The following NYNRIN variants were observed in gnomAD, a reference collection of about 807,000 sequenced individuals.
NYNRIN encodes the protein protein NYNRIN.
Under a neutral mutation model 146.6 loss-of-function variants are expected in NYNRIN, and 86 were observed. The observed-to-expected ratio is 0.59, with a 90% confidence interval of 0.49 to 0.70. The LOEUF is 0.70. NYNRIN is among the 30% of genes least tolerant of loss of function. The probability of loss-of-function intolerance (pLI) is 0.00; values close to 1 mark genes in which losing one functional copy is unlikely to be tolerated. For missense variants in NYNRIN, 2,191 were observed against 2,377.7 expected, an observed-to-expected ratio of 0.92 and a Z score of 1.63; for synonymous variants, 1,027 against 1,001.3, an observed-to-expected ratio of 1.03 and a Z score of -0.48.
intron 7 of NYNRIN, 36 bp downstream of exon 7, chr14:24,413,134 C>A: frequency 6.7e-7 from 1 of 1,490,440 alleles, no homozygotes. Context: ...CCATTCCTTC[C>A]CCTTGGATGT....
rs1297732127 is a variant in NYNRIN at position 24,408,898 on chromosome 14, C to G, written c.1104C>G (p.Phe368Leu). The G allele has an allele frequency of 6.2e-7, 1 of 1,613,912 alleles. No homozygotes were observed. The highest frequency in any genetic ancestry group is 1.3e-5 in the African/African-American group (1 of 74,946). ...GGCCGGGGGCTATTGCTGCAACCTTCTGGAGGATCAATGAGCTGCATTCTC... is the reference window on the plus strand; with the variant it reads ...GGCCGGGGGCTATTGCTGCAACCTTGTGGAGGATCAATGAGCTGCATTCTC... Reference protein sequence around the residue: ...PLWPGAIAATFWRINELHSLH... With the variant: ...PLWPGAIAATLWRINELHSLH... Residue 368 changes from phenylalanine (F) to leucine (L), a missense_variant, in exon 4 of 9, where the codon TTC becomes TTG. Physicochemically the swap from Phe to Leu is conservative, Grantham distance 22 (BLOSUM62 0). Around this residue, in one of 3 missense-constraint regions of NYNRIN, gnomAD observed 895 missense variants for 941.2 expected, o/e 0.95. Transcript: ENST00000382554.
rs775892926 is a variant in NYNRIN, at chr14:24,417,313, G to A, written c.5564G>A (p.Arg1855Gln). The change falls in exon 9 of 9, where the codon CGG becomes CAG. Residue 1855 changes from arginine to glutamine, a missense_variant. This residue lies in a region of NYNRIN where 1,291 missense variants were observed against 1,417.0 expected (regional missense o/e 0.91). Transcript: ENST00000382554. ...KWVGPFYIGD[R>Q]LSLSLYRIWG... ...GTGGGTCCCTTCTATATCGGGGACC[G>A]GCTGAGCCTGTCACTCTATAGGATA... 2.9e-5 allele frequency: 46 copies of A among 1,612,402 alleles called. No homozygotes were observed. The highest frequency in any genetic ancestry group is 4.5e-5 in the East Asian group (2 of 44,838).
At chr14:24,405,820 C>G (rs2042872190) in intron 2 of NYNRIN, among the ~76,000 whole-genome samples, 2 of 152,154 alleles carry the variant, frequency 1.3e-5, no homozygotes. Flanking sequence ...AATATTAGTT[C>G]ATATTTATTA....
In NYNRIN at chr14:24,415,904, G is replaced by T. The variant is rs747370105; in HGVS notation, c.4155G>T (p.Leu1385=). 6 of 1,613,976 alleles carry T rather than the reference G, an allele frequency of 3.7e-6. No individual in the cohort carries two copies. The South Asian group carries it at 6.6e-5, about 18-fold the overall frequency. ...LTHCNWIFSL[L]WELLPLWRAR... Reference sequence around the variant, plus strand: ...ACTGCAACTGGATCTTCAGCCTCCTGTGGGAGCTCCTGCCCCTCTGGAGGG... The same window carrying T: ...ACTGCAACTGGATCTTCAGCCTCCTTTGGGAGCTCCTGCCCCTCTGGAGGG... Residue 1385 remains leucine, a synonymous_variant, in exon 9 of 9, where the codon CTG becomes CTT. Coordinates refer to ENST00000382554, the MANE Select transcript of NYNRIN (RefSeq NM_025081.3).
At chr14:24,400,929 A>T (rs553243624) in intron 2 of NYNRIN, among the ~76,000 whole-genome samples, 43 of 151,992 alleles carry the variant, frequency 2.8e-4, no homozygotes, top group African/African-American at 1.0e-3. Flanking sequence ...AGCTGGGATT[A>T]CAGGCACGTG....
At chr14:24,399,131 C>G (rs989403511) in intron 1 of NYNRIN, 45 bp downstream of exon 1, 3 of 973,730 alleles carry the variant, frequency 3.1e-6, no homozygotes, top group Non-Finnish European at 4.4e-6. Context: ...GGGGGGCGCG[C>G]CGCGGGGAGG....
rs759824815 is a variant in NYNRIN at position 24,417,072 on chromosome 14, G to A, written c.5323G>A (p.Glu1775Lys). Residue 1775 changes from glutamate (E) to lysine (K), a missense_variant, in exon 9 of 9, where the codon GAG becomes AAG. Transcript: ENST00000382554. ...ESRLTEPLWW[E>K]MSSANIEGLK... is the part of the protein sequence containing the mutation. Reference sequence around the variant, plus strand: ...AAGGCTCACGGAGCCCCTGTGGTGGGAGATGAGCAGCGCAAACATTGAAGG... The same window carrying A: ...AAGGCTCACGGAGCCCCTGTGGTGGAAGATGAGCAGCGCAAACATTGAAGG... 5.6e-6 allele frequency: 9 copies of A among 1,613,200 alleles called. No homozygotes were observed. The highest frequency in any genetic ancestry group is 7.6e-6 in the Non-Finnish European group (9 of 1,179,342).
chr14:24,402,433 A>AGTG, intron 2 of NYNRIN, among the ~76,000 whole-genome samples: 1 of 152,116 alleles, frequency 6.6e-6, no homozygotes, highest in East Asian at 1.9e-4. Flanking sequence ...GCCTAAAGGC[A>AGTG]GTGGTGGTGG....
chr14:24,406,387 G>A (rs895566599), intron 2 of NYNRIN, among the ~76,000 whole-genome samples: 1 of 152,050 alleles, frequency 6.6e-6, no homozygotes, highest in African/African-American at 2.4e-5. Context: ...GGTGCCTGGG[G>A]TGGGGGAATA....
chr14:24,407,957 G>A lies in NYNRIN; in HGVS notation c.287G>A (p.Gly96Asp). 6.2e-7 allele frequency: 1 copy of A among 1,614,014 alleles called. No homozygotes were observed. Among genetic ancestry groups the A allele is most frequent in the African/African-American group, 1.3e-5 (1 of 75,068 alleles). The change falls in exon 3 of 9, where the codon GGC (glycine) becomes GAC (aspartate). Residue 96 changes from glycine (G) to aspartate (D), a missense_variant. By Grantham distance (94) the Gly-to-Asp change is moderately conservative. Around this residue, in one of 3 missense-constraint regions of NYNRIN, gnomAD observed 895 missense variants for 941.2 expected, o/e 0.95. Transcript: ENST00000382554. ...ILHCAFLGAQ[G>D]LFLDCLCWST... Reference sequence around the variant, plus strand: ...CACTGTGCCTTCCTTGGGGCCCAAGGCCTCTTCCTGGACTGCCTCTGCTGG... The same window carrying A: ...CACTGTGCCTTCCTTGGGGCCCAAGACCTCTTCCTGGACTGCCTCTGCTGG...
chr14:24,414,014 C>T (rs1459946178), intron 8 of NYNRIN, among the ~76,000 whole-genome samples: 1 of 152,232 alleles, frequency 6.6e-6, no homozygotes, highest in African/African-American at 2.4e-5. Flanking sequence ...TCCAAGGTCA[C>T]ATTGCTGGTG....
chr14:24,406,213 A>AAATAAAAT (rs1407231580), intron 2 of NYNRIN, among the ~76,000 whole-genome samples: 1 of 142,976 alleles, frequency 7.0e-6, no homozygotes, highest in Non-Finnish European at 1.6e-5. Context: ...AAATAAAATA[A>AAATAAAAT]AATAAAATAA....
rs2042905778 is a variant in NYNRIN, at chr14:24,410,447, CA to C, written c.2414+240del. 2.6e-5 allele frequency among the ~76,000 whole-genome samples: 4 copies of C among 152,364 alleles called. No homozygotes were observed. The South Asian group carries it at 8.3e-4, about 32-fold the overall frequency. On this transcript the variant is annotated intron_variant, in intron 4 of 8. Coordinates refer to ENST00000382554, the MANE Select transcript of NYNRIN (RefSeq NM_025081.3). The stretch of plus-strand genomic sequence containing the variant: ...TTTCCCTGTCTGATAGATGCTGAAG[CA>C]GGCTCAGAGGTGGGAAATCTTGCCC...
Position 24,410,163 on chromosome 14 carries a change from A to C in NYNRIN, c.2369A>C (p.Gln790Pro), listed in dbSNP as rs547141864. ...ELNLSGEPGN[Q>P]GLRRVVIDGS... ...AACCTGTCAGGGGAACCTGGAAACCAGGGGTTGCGGCGAGTGGTCATCGAT... is the reference window on the plus strand; with the variant it reads ...AACCTGTCAGGGGAACCTGGAAACCCGGGGTTGCGGCGAGTGGTCATCGAT... Residue 790 changes from glutamine to proline, a missense_variant, in exon 4 of 9, where the codon CAG (glutamine) becomes CCG (proline). This residue lies in a region of NYNRIN where 1,291 missense variants were observed against 1,417.0 expected (regional missense o/e 0.91). Coordinates refer to ENST00000382554, the MANE Select transcript of NYNRIN (RefSeq NM_025081.3). 5.0e-6 allele frequency: 8 copies of C among 1,611,364 alleles called. No individual in the cohort carries two copies. The South Asian group carries it at 7.7e-5, about 15-fold the overall frequency.
chr14:24,408,546 G>C lies in NYNRIN; in HGVS notation c.857+19G>C. 6.4e-7 allele frequency: 1 copy of C among 1,551,864 alleles called. No individual in the cohort carries two copies. The highest frequency in any genetic ancestry group is 8.7e-7 in the Non-Finnish European group (1 of 1,150,702). On this transcript the variant is annotated intron_variant, in intron 3 of 8. Transcript: ENST00000382554. ...TGGTACGGTAAGTTCTGGAGAATGA[G>C]CCTGGCTTCTCTGATCCTACCCCTG...
In NYNRIN at chr14:24,417,320, C is replaced by G. The variant is rs1299993308; in HGVS notation, c.5571C>G (p.Ser1857Arg). ...VGPFYIGDRLSLSLYRIWGFP... is the reference protein window; with the variant it reads ...VGPFYIGDRLRLSLYRIWGFP... The stretch of plus-strand genomic sequence containing the variant: ...CCTTCTATATCGGGGACCGGCTGAG[C>G]CTGTCACTCTATAGGATATGGGGCT... Residue 1857 changes from serine to arginine, a missense_variant, in exon 9 of 9, where the codon AGC becomes AGG. Transcript: ENST00000382554. The G allele has an allele frequency of 1.2e-6, 2 of 1,611,994 alleles. No individual in the cohort carries two copies. Among genetic ancestry groups the G allele is most frequent in the Non-Finnish European group, 1.7e-6 (2 of 1,178,986 alleles).
In NYNRIN at chr14:24,415,738, A is replaced by T; in HGVS notation, c.3989A>T (p.Tyr1330Phe). 6.2e-7 allele frequency: 1 copy of T among 1,613,470 alleles called. No individual in the cohort carries two copies. The highest frequency in any genetic ancestry group is 1.7e-5 in the Admixed American group (1 of 59,996). ...EDEWCAGFGL[Y>F]VLSPTSPPVS... is the part of the protein sequence containing the mutation. ...GAGTGGTGTGCTGGCTTTGGTCTCTATGTTCTATCGCCCACCAGCCCCCCT... is the reference window on the plus strand; with the variant it reads ...GAGTGGTGTGCTGGCTTTGGTCTCTTTGTTCTATCGCCCACCAGCCCCCCT... Residue 1330 changes from tyrosine (Y) to phenylalanine (F), a missense_variant, in exon 9 of 9, where the codon TAT becomes TTT. Tyr to Phe is a conservative substitution (Grantham distance 22, BLOSUM62 3). Coordinates refer to ENST00000382554, the MANE Select transcript of NYNRIN (RefSeq NM_025081.3).
At position 24,409,179 on chromosome 14, in the gene NYNRIN, T is replaced by C. The variant is rs1163575561; in HGVS notation, c.1385T>C (p.Val462Ala). 1 of 1,613,932 alleles carries C rather than the reference T, an allele frequency of 6.2e-7. No individual in the cohort carries two copies. The highest frequency in any genetic ancestry group is 1.1e-5 in the South Asian group (1 of 91,072). ...ISPKVTSLLV[V>A]PGSSDVKDKV... is the part of the protein sequence containing the mutation. ...CCAAAAGTTACGAGTTTATTGGTGGTCCCTGGGAGCTCAGATGTAAAAGAC... is the reference window on the plus strand; with the variant it reads ...CCAAAAGTTACGAGTTTATTGGTGGCCCCTGGGAGCTCAGATGTAAAAGAC... Residue 462 changes from valine to alanine, a missense_variant, in exon 4 of 9, where the codon GTC becomes GCC. Transcript: ENST00000382554.
Position 24,408,740 on chromosome 14 carries a change from A to G in NYNRIN, c.946A>G (p.Thr316Ala). 1 of 1,613,958 alleles carries G rather than the reference A, an allele frequency of 6.2e-7. No individual in the cohort carries two copies. Among genetic ancestry groups the G allele is most frequent in the Non-Finnish European group, 8.5e-7 (1 of 1,179,862 alleles). Residue 316 changes from threonine (T) to alanine (A), a missense_variant, in exon 4 of 9, where the codon ACA becomes GCA. Transcript: ENST00000382554. The part of the protein sequence containing the change: ...ATSSQDSTNH[T>A]QALLKQRQVQ... ...CAGCAGCCAGGACTCCACGAACCAC[A>G]CACAAGCCTTGTTGAAGCAAAGGCA...
Sources: allele counts gnomAD v4.1 joint callset (sites outside exome capture counted in the v4.1 genomes callset), GRCh38; gene constraint gnomAD v4.1.1; regional missense constraint gnomAD v4.1.1; transcripts MANE v1.5; gene names NCBI Gene and HGNC (gene_info 2026-07-23, HGNC 2026-07-21).